OPCML: variants seen among roughly 807,000 people sequenced by gnomAD.
The protein encoded by OPCML is opioid binding protein/cell adhesion molecule like.
In OPCML, 13 loss-of-function variants were observed where a neutral mutation model predicts 37.8. The ratio of observed to expected loss-of-function variants is 0.34; its 90% CI spans 0.22 to 0.55. The LOEUF (loss-of-function observed/expected upper bound fraction) is 0.55, where lower values mean the gene tolerates loss of function less well. Ranked by LOEUF, OPCML falls within the 20% of genes least tolerant of loss-of-function variation. OPCML has a pLI of 0.91. For synonymous variants in OPCML, 176 were observed against 168.8 expected, an observed-to-expected ratio of 1.04 and a Z score of -0.33; for missense variants, 341 against 435.6, an observed-to-expected ratio of 0.78 and a Z score of 1.93.
intron 1 of OPCML, among the ~76,000 whole-genome samples, chr11:133,433,572 G>A (rs898454170): frequency 2.6e-5 from 4 of 152,224 alleles, no homozygotes; most frequent in African/African-American, 9.6e-5. Context: ...CCAAGGATTT[G>A]AAGTCTTACC....
intron 2 of OPCML, among the ~76,000 whole-genome samples, chr11:132,890,036 G>A (rs1260723344): frequency 6.6e-6 from 1 of 152,170 alleles, no homozygotes; most frequent in African/African-American, 2.4e-5. Context: ...TCTGGATGAA[G>A]CTTCCATCAT....
chr11:132,861,694 G>A (rs1368589319), intron 2 of OPCML, among the ~76,000 whole-genome samples: 1 of 152,060 alleles, frequency 6.6e-6, no homozygotes, highest in African/African-American at 2.4e-5. Context: ...AATTAGCCAG[G>A]CGTGGTGGCG....
chr11:132,908,683 A>G (rs1450820997), intron 2 of OPCML, among the ~76,000 whole-genome samples: 1 of 152,222 alleles, frequency 6.6e-6, no homozygotes, highest in East Asian at 1.9e-4. Flanking sequence ...CATCTTATTT[A>G]TTGTAAACAC....
At chr11:133,140,531 TAAG>T (rs1168417109) in intron 1 of OPCML, among the ~76,000 whole-genome samples, 2,839 of 87,986 alleles carry the variant, frequency 0.032, 69 homozygotes, top group Admixed American at 0.11. Context: ...ATAATAATAA[TAAG>T]AAGAAGAAGA....
chr11:133,473,273 C>G (rs1336481998), intron 1 of OPCML, among the ~76,000 whole-genome samples: 1 of 152,090 alleles, frequency 6.6e-6, no homozygotes, highest in Non-Finnish European at 1.5e-5. Flanking sequence ...ATAGAGAGGC[C>G]TGAGGATGAG....
At chr11:133,348,837 C>T (rs1317369218) in intron 1 of OPCML, among the ~76,000 whole-genome samples, 1 of 152,148 alleles carries the variant, frequency 6.6e-6, no homozygotes, top group Non-Finnish European at 1.5e-5. Flanking sequence ...TATGAAGCCC[C>T]TACCATGAGC....
At chr11:133,359,160 T>A (rs1944359156) in intron 1 of OPCML, among the ~76,000 whole-genome samples, 2 of 152,210 alleles carry the variant, frequency 1.3e-5, no homozygotes, top group Admixed American at 1.3e-4. Context: ...CTATTCCCTA[T>A]AAAATAAACT....
intron 2 of OPCML, among the ~76,000 whole-genome samples, chr11:132,840,864 C>A (rs1941257629): frequency 6.6e-6 from 1 of 151,998 alleles, no homozygotes. Flanking sequence ...CACAGCAGCG[C>A]CAGGCCAGGA....
At chr11:132,569,602 T>G (rs1565673322) in intron 3 of OPCML, among the ~76,000 whole-genome samples, 1 of 152,074 alleles carries the variant, frequency 6.6e-6, no homozygotes, top group Admixed American at 6.6e-5. Flanking sequence ...CAGTAGGGGG[T>G]AGCCTCATTG....
intron 1 of OPCML, among the ~76,000 whole-genome samples, chr11:133,186,956 T>A (rs1592085029): frequency 6.6e-6 from 1 of 151,508 alleles, no homozygotes; most frequent in African/African-American, 2.4e-5. Context: ...AGGAGGGAGG[T>A]CAAAGAGGCA....
intron 3 of OPCML, among the ~76,000 whole-genome samples, chr11:132,604,728 T>A (rs1373085447): frequency 6.6e-6 from 1 of 152,230 alleles, no homozygotes; most frequent in African/African-American, 2.4e-5. Context: ...CTTCTTCTTC[T>A]CTGCCTCCCA....
chr11:132,479,901 T>C (rs980920037), intron 4 of OPCML, among the ~76,000 whole-genome samples: 3 of 151,862 alleles, frequency 2.0e-5, no homozygotes, highest in Admixed American at 6.6e-5. Flanking sequence ...CAAAAGCAGA[T>C]AAAACACAAA....
rs116290569 is a variant in OPCML, at chr11:132,724,191, C to T, written c.147-66872G>A. 4.8e-3 allele frequency among the ~76,000 whole-genome samples: 732 copies of T among 152,218 alleles called. 5 individuals carry two copies. Among genetic ancestry groups the T allele is most frequent in the African/African-American group, 0.017 (700 of 41,538 alleles). On this transcript the variant is annotated intron_variant, in intron 2 of 7. Coordinates refer to ENST00000524381, the MANE Select transcript of OPCML (RefSeq NM_001012393.5). The stretch of plus-strand genomic sequence containing the variant: ...CCACCTCCCACCACCCCTTCTTTAG[C>T]ACAGTGCACTAAGCAAGCTTCCCCA...
chr11:132,626,812 TTCTCTCTC>T (rs375135656), intron 3 of OPCML, among the ~76,000 whole-genome samples: 39,935 of 147,128 alleles, frequency 0.27, 6,935 homozygotes, highest in Non-Finnish European at 0.39. Context: ...AAAGGGAAGT[TTCTCTCTC>T]TCTCTCTCTC....
At chr11:133,398,986 T>C (rs889249543) in intron 1 of OPCML, among the ~76,000 whole-genome samples, 2 of 152,158 alleles carry the variant, frequency 1.3e-5, no homozygotes, top group Non-Finnish European at 2.9e-5. Flanking sequence ...GCCAGATCCC[T>C]GGGGACAGGG....
chr11:133,123,569 C>T (rs1335957120), intron 1 of OPCML, among the ~76,000 whole-genome samples: 1 of 152,168 alleles, frequency 6.6e-6, no homozygotes, highest in African/African-American at 2.4e-5. Context: ...CCTCCCTCCC[C>T]TGAAGCTGTT....
intron 3 of OPCML, among the ~76,000 whole-genome samples, chr11:132,650,405 A>C (rs564179393): frequency 5.3e-5 from 8 of 152,306 alleles, no homozygotes; most frequent in Admixed American, 5.2e-4. Flanking sequence ...TGTCACACAG[A>C]ATAACTAGAA....
rs866269552 is a variant in OPCML, at chr11:133,382,039, A to G, written c.61+150225T>C. On this transcript the variant is annotated intron_variant, in intron 1 of 7. Transcript: ENST00000524381. ...TGCAGAAAGAACCAAGGCAAGTGCCAGGCTCTTGCAGGCTGTCTCATCAAT... is the reference window on the plus strand; with the variant it reads ...TGCAGAAAGAACCAAGGCAAGTGCCGGGCTCTTGCAGGCTGTCTCATCAAT... Among the ~76,000 whole-genome samples, 7 of 152,350 alleles carry G rather than the reference A, an allele frequency of 4.6e-5. No individual in the cohort carries two copies. In the South Asian group the frequency reaches 1.0e-3, roughly 23 times the overall value.
At chr11:133,321,597 A>G (rs748037152) in intron 1 of OPCML, among the ~76,000 whole-genome samples, 82 of 152,290 alleles carry the variant, frequency 5.4e-4, no homozygotes, top group Admixed American at 8.5e-4. Context: ...CTGGACAGGC[A>G]TGTTACACTG....
Sources: gnomAD v4.1 joint callset for allele counts (sites outside exome capture counted in the v4.1 genomes callset) on GRCh38, gnomAD v4.1.1 for gene constraint, MANE v1.5 for transcripts, NCBI Gene and HGNC (gene_info 2026-07-23, HGNC 2026-07-21) for gene names.